The following CHRM3 variants were observed in gnomAD, a reference collection of about 807,000 sequenced individuals.
CHRM3 encodes the protein cholinergic receptor muscarinic 3, also known as muscarinic acetylcholine receptor M3.
In CHRM3, 11 loss-of-function variants were observed where a neutral mutation model predicts 41.8. The observed-to-expected ratio is 0.26, with a 90% CI of 0.17 to 0.44. The LOEUF (loss-of-function observed/expected upper bound fraction) is 0.44, where lower values mean the gene tolerates loss of function less well. Ranked by LOEUF, CHRM3 falls within the 20% of genes least tolerant of loss-of-function variation. The pLI, the probability that CHRM3 is intolerant of heterozygous loss-of-function variation, is 1.00. For missense variants in CHRM3, 571 were observed against 745.4 expected (o/e 0.77, Z 2.72); for synonymous variants, 297 against 301.4 (o/e 0.99, Z 0.15).
intron 6 of CHRM3, chr1:239,886,653 C>G (rs960052382): frequency 1.3e-5 from 2 of 152,180 alleles, no homozygotes; most frequent in African/African-American, 4.8e-5. Flanking sequence ...AATCTAATAT[C>G]ATGTAAAAAT....
chr1:239,653,253 C>T (rs756438925), intron 4 of CHRM3, among the ~76,000 whole-genome samples: 6 of 152,076 alleles, frequency 3.9e-5, no homozygotes, highest in African/African-American at 9.7e-5. Flanking sequence ...GATCTTCTTT[C>T]GGGATTCTAG....
chr1:239,706,441 T>C (rs1030265795), intron 5 of CHRM3: 1 of 152,142 alleles, frequency 6.6e-6, no homozygotes, highest in Non-Finnish European at 1.5e-5. Context: ...TTTCAAACAC[T>C]GTCTCCTGGG....
At chr1:239,666,147 C>A (rs1341260163) in intron 4 of CHRM3, among the ~76,000 whole-genome samples, 1 of 151,888 alleles carries the variant, frequency 6.6e-6, no homozygotes, top group East Asian at 1.9e-4. Flanking sequence ...AGTGTAAAAG[C>A]ATTCCTATTT....
At chr1:239,809,214 G>T (rs1189329097) in intron 5 of CHRM3, among the ~76,000 whole-genome samples, 1 of 151,546 alleles carries the variant, frequency 6.6e-6, no homozygotes, top group Non-Finnish European at 1.5e-5. Flanking sequence ...TAGAGAAGGG[G>T]TTTCACCATG....
In CHRM3 at chr1:239,779,106, G is replaced by A. The variant is rs1668319637; in HGVS notation, c.-146-48146G>A. 2.0e-5 allele frequency among the ~76,000 whole-genome samples: 3 copies of A among 152,156 alleles called. No individual in the cohort carries two copies. In the South Asian group the frequency reaches 6.2e-4, roughly 32 times the overall value. On this transcript the variant is annotated intron_variant, in intron 5 of 6. Transcript: ENST00000676153. Reference sequence around the variant, plus strand: ...TTTCCTGATGAAACTTCACTTGTGGGATTTGGTGTTTTTTATTTATTTGTT... The same window carrying A: ...TTTCCTGATGAAACTTCACTTGTGGAATTTGGTGTTTTTTATTTATTTGTT...
intron 3 of CHRM3, among the ~76,000 whole-genome samples, chr1:239,572,225 A>T (rs1199990278): frequency 6.6e-6 from 1 of 152,208 alleles, no homozygotes; most frequent in Admixed American, 6.5e-5. Flanking sequence ...CCATGATGAC[A>T]TTGAGGCCCA....
chr1:239,576,153 C>T (rs985177514), intron 3 of CHRM3, among the ~76,000 whole-genome samples: 4 of 152,026 alleles, frequency 2.6e-5, no homozygotes, highest in African/African-American at 9.7e-5. Flanking sequence ...CAATATTTCT[C>T]GTTTTTAAGG....
chr1:239,429,945 T>A (rs1662692354), intron 1 of CHRM3, among the ~76,000 whole-genome samples: 1 of 151,682 alleles, frequency 6.6e-6, no homozygotes, highest in Admixed American at 6.6e-5. Context: ...AAAAACCATT[T>A]GACTCAGTAA....
chr1:239,602,260 G>T (rs1003217083), intron 3 of CHRM3, among the ~76,000 whole-genome samples: 1 of 151,514 alleles, frequency 6.6e-6, no homozygotes, highest in Non-Finnish European at 1.5e-5. Context: ...TCAGCCTCCC[G>T]AGTAATAAAA....
chr1:239,887,785 GA>G (rs1391262096), intron 6 of CHRM3, among the ~76,000 whole-genome samples: 1 of 152,076 alleles, frequency 6.6e-6, no homozygotes, highest in Non-Finnish European at 1.5e-5. Flanking sequence ...ATTGAAATCA[GA>G]AAATGTATTC....
chr1:239,661,941 T>C (rs1350227809), intron 4 of CHRM3, among the ~76,000 whole-genome samples: 2 of 152,160 alleles, frequency 1.3e-5, no homozygotes, highest in East Asian at 3.8e-4. Flanking sequence ...AGGAACTCTC[T>C]GTAGTTTCTG....
chr1:239,616,522 A>G (rs1203034350), intron 3 of CHRM3, among the ~76,000 whole-genome samples: 2 of 152,214 alleles, frequency 1.3e-5, no homozygotes, highest in East Asian at 1.9e-4. Context: ...AGCCAGCAGG[A>G]AAAAGCTGTA....
intron 1 of CHRM3, among the ~76,000 whole-genome samples, chr1:239,395,096 A>AT (rs1379685501): frequency 6.6e-6 from 1 of 151,958 alleles, no homozygotes; most frequent in East Asian, 1.9e-4. Context: ...AAACTCCCTT[A>AT]ATTTTCAGAG....
chr1:239,412,641 C>A (rs1661189352), intron 1 of CHRM3, among the ~76,000 whole-genome samples: 1 of 151,818 alleles, frequency 6.6e-6, no homozygotes, highest in Admixed American at 6.6e-5. Context: ...CTCACTGCTG[C>A]AGTATATCCT....
chr1:239,606,314 C>T (rs6701467), intron 3 of CHRM3: 71,671 of 150,876 alleles, frequency 0.48, 17,175 homozygotes, highest in Middle Eastern at 0.59. Flanking sequence ...CTCACTCTGT[C>T]GCCCAGGCTG....
intron 3 of CHRM3, among the ~76,000 whole-genome samples, chr1:239,581,877 T>C (rs1157329326): frequency 1.3e-5 from 2 of 152,158 alleles, no homozygotes; most frequent in Non-Finnish European, 2.9e-5. Context: ...GTTTAAAAAC[T>C]TTACTTTCAA....
intron 1 of CHRM3, among the ~76,000 whole-genome samples, chr1:239,397,760 T>G (rs1659620222): frequency 6.9e-6 from 1 of 145,344 alleles, no homozygotes. Flanking sequence ...TATATATTTC[T>G]ATATATATAT....
chr1:239,902,273 T>C (rs988985108), intron 6 of CHRM3, among the ~76,000 whole-genome samples: 4 of 152,190 alleles, frequency 2.6e-5, no homozygotes, highest in Admixed American at 6.5e-5. Context: ...ACAATGCTTC[T>C]TATCTTCTCC....
chr1:239,872,912 T>A (rs529653532), intron 6 of CHRM3, among the ~76,000 whole-genome samples: 9 of 151,598 alleles, frequency 5.9e-5, no homozygotes, highest in African/African-American at 2.2e-4. Flanking sequence ...AGCTGAAAAG[T>A]TTGGCAGAAC....
Sources: gnomAD v4.1 joint callset for allele counts (sites outside exome capture counted in the v4.1 genomes callset) on GRCh38, gnomAD v4.1.1 for gene constraint, MANE v1.5 for transcripts, NCBI Gene and HGNC (gene_info 2026-07-23, HGNC 2026-07-21) for gene names.